Variants in CDYL2 observed in about 807,000 individuals in gnomAD.
CDYL2 encodes chromodomain Y like 2.
In CDYL2, 23 loss-of-function variants were observed where a neutral mutation model predicts 49.4. That is an observed-to-expected ratio of 0.47 (90% CI 0.34 to 0.66). The LOEUF is 0.66. CDYL2 is among the 30% of genes least tolerant of loss of function. The pLI is 0.01. For synonymous variants in CDYL2, 360 were observed against 268.8 expected, an observed-to-expected ratio of 1.34 and a Z score of -3.32; for missense variants, 678 against 656.4, an observed-to-expected ratio of 1.03 and a Z score of -0.36.
At chr16:80,686,993 T>C (rs1395700290) in intron 1 of CDYL2, among the ~76,000 whole-genome samples, 1 of 152,258 alleles carries the variant, frequency 6.6e-6, no homozygotes, top group Non-Finnish European at 1.5e-5. Flanking sequence ...TAATCCAATA[T>C]CCAACCTTTG....
At chr16:80,721,977 A>C (rs1246853982) in intron 1 of CDYL2, among the ~76,000 whole-genome samples, 3 of 152,236 alleles carry the variant, frequency 2.0e-5, no homozygotes, top group African/African-American at 4.8e-5. Context: ...TAGCTGTTAC[A>C]AAATTCTCAG....
intron 2 of CDYL2, among the ~76,000 whole-genome samples, chr16:80,661,793 TATC>T (rs915242468): frequency 3.3e-5 from 5 of 152,192 alleles, no homozygotes; most frequent in Admixed American, 2.0e-4. Context: ...TTCACTATGT[TATC>T]ATCATCCATA....
intron 2 of CDYL2, among the ~76,000 whole-genome samples, chr16:80,648,486 A>G (rs576671322): frequency 2.6e-5 from 4 of 152,124 alleles, no homozygotes; most frequent in Non-Finnish European, 4.4e-5. Flanking sequence ...AATAACAAGT[A>G]GCGATATCAC....
chr16:80,734,015 C>G lies in CDYL2; in HGVS notation c.25-48886G>C, dbSNP rs181677389. ...TGGGAAACTGGCTTTGCTAACTAAT[C>G]ATTGCCAGGAATTAAGGTAACAGAT... On this transcript the variant is annotated intron_variant, in intron 1 of 6. Coordinates refer to ENST00000570137, the MANE Select transcript of CDYL2 (RefSeq NM_152342.4). Among the ~76,000 whole-genome samples the G allele has an allele frequency of 1.6e-3, 245 of 152,308 alleles. 1 individual carries two copies. The highest frequency in any genetic ancestry group is 5.7e-3 in the African/African-American group (235 of 41,572).
At chr16:80,716,343 T>C (rs1466406547) in intron 1 of CDYL2, among the ~76,000 whole-genome samples, 1 of 152,218 alleles carries the variant, frequency 6.6e-6, no homozygotes, top group Non-Finnish European at 1.5e-5. Context: ...GCTCACACTA[T>C]ATGCCAAGAC....
chr16:80,765,890 A>AAT (rs1293263059), intron 1 of CDYL2, among the ~76,000 whole-genome samples: 3 of 149,420 alleles, frequency 2.0e-5, no homozygotes, highest in Non-Finnish European at 4.5e-5. Context: ...AAAAAAAAAA[A>AAT]AAAAAAAGGA....
In CDYL2 at chr16:80,622,312, T is replaced by G. The variant is rs189473609; in HGVS notation, c.835-1377A>C. 1.4e-4 allele frequency among the ~76,000 whole-genome samples: 21 copies of G among 152,322 alleles called. No individual in the cohort carries two copies. The East Asian group carries it at 4.1e-3, about 29-fold the overall frequency. On this transcript the variant is annotated intron_variant, in intron 3 of 6. Coordinates refer to ENST00000570137, the MANE Select transcript of CDYL2 (RefSeq NM_152342.4). The stretch of plus-strand genomic sequence containing the variant: ...TCCCTGGGCCAAGCCTATATTCACC[T>G]AATCACCTTTGCACATGCCAATCTC...
At chr16:80,790,711 A>G (rs1437134657) in intron 1 of CDYL2, among the ~76,000 whole-genome samples, 1 of 152,174 alleles carries the variant, frequency 6.6e-6, no homozygotes. Flanking sequence ...ATTTCTAGGA[A>G]AAGTTTAGAT....
intron 1 of CDYL2, among the ~76,000 whole-genome samples, chr16:80,693,450 C>T (rs115330585): frequency 6.6e-6 from 1 of 151,872 alleles, no homozygotes; most frequent in Non-Finnish European, 1.5e-5. Flanking sequence ...AGAAATGAGG[C>T]CAAAGGTATT....
intron 1 of CDYL2, among the ~76,000 whole-genome samples, chr16:80,697,817 A>C (rs374963883): frequency 6.6e-6 from 1 of 152,116 alleles, no homozygotes; most frequent in African/African-American, 2.4e-5. Context: ...AAAAACATAA[A>C]ATACCTAGGA....
chr16:80,712,113 A>G (rs144567157), intron 1 of CDYL2, among the ~76,000 whole-genome samples: 20,849 of 143,166 alleles, frequency 0.15, 1,899 homozygotes, highest in South Asian at 0.22. Flanking sequence ...ATATATGTGT[A>G]TATATGTGTA....
chr16:80,682,166 C>T (rs571793748), intron 2 of CDYL2, among the ~76,000 whole-genome samples: 6 of 152,122 alleles, frequency 3.9e-5, no homozygotes, highest in African/African-American at 7.2e-5. Context: ...CTTAACCTTA[C>T]GGGCACCAGT....
At position 80,602,206 on chromosome 16, in the gene CDYL2, T is replaced by C. The variant is rs933187105; in HGVS notation, c.*2182A>G. On this transcript the variant is annotated 3_prime_UTR_variant, in exon 7 of 7. Coordinates refer to ENST00000570137, the MANE Select transcript of CDYL2 (RefSeq NM_152342.4). ...CTCAAAGGAGGAGATAAGATCCAGA[T>C]AGAGCTGTGACAACAGGCATTTGGG... The C allele has an allele frequency of 2.6e-5, 4 of 152,236 alleles. No individual in the cohort carries two copies. Among genetic ancestry groups the C allele is most frequent in the Admixed American group, 6.5e-5 (1 of 15,284 alleles). 9.4% of individuals were successfully genotyped at this position (152,236 alleles called of 1,614,324 possible).
chr16:80,666,483 G>A (rs199728792), intron 2 of CDYL2, among the ~76,000 whole-genome samples: 27 of 152,276 alleles, frequency 1.8e-4, no homozygotes, highest in Admixed American at 6.5e-5. Context: ...TGCCCTTCAT[G>A]GGGGAGGGAG....
At chr16:80,749,904 C>A (rs537498177) in intron 1 of CDYL2, among the ~76,000 whole-genome samples, 2 of 152,172 alleles carry the variant, frequency 1.3e-5, no homozygotes, top group East Asian at 1.9e-4. Context: ...TACTATGCAA[C>A]CATTAAAAGG....
intron 3 of CDYL2, among the ~76,000 whole-genome samples, chr16:80,623,305 A>G (rs1222411236): frequency 1.3e-5 from 2 of 152,286 alleles, no homozygotes; most frequent in East Asian, 1.9e-4. Context: ...GGTGAAATCA[A>G]TAGCCTCTCC....
intron 2 of CDYL2, among the ~76,000 whole-genome samples, chr16:80,668,514 A>G (rs1011098779): frequency 1.3e-5 from 2 of 151,570 alleles, no homozygotes; most frequent in Non-Finnish European, 2.9e-5. Flanking sequence ...ATATATAAAT[A>G]CATATACATA....
At chr16:80,767,333 T>C (rs1489718459) in intron 1 of CDYL2, among the ~76,000 whole-genome samples, 1 of 152,222 alleles carries the variant, frequency 6.6e-6, no homozygotes, top group African/African-American at 2.4e-5. Flanking sequence ...GAGCCTATTT[T>C]ACTTTGGAGA....
At chr16:80,677,114 G>A (rs909333441) in intron 2 of CDYL2, among the ~76,000 whole-genome samples, 21 of 151,802 alleles carry the variant, frequency 1.4e-4, no homozygotes, top group African/African-American at 4.6e-4. Flanking sequence ...GGGACTACAG[G>A]CATGTGCCAC....
Sources: allele counts gnomAD v4.1 joint callset (sites outside exome capture counted in the v4.1 genomes callset), GRCh38; gene constraint gnomAD v4.1.1; transcripts MANE v1.5; gene names NCBI Gene and HGNC (gene_info 2026-07-23, HGNC 2026-07-21).